Variants in EPB41 observed in about 807,000 individuals in gnomAD.
The protein encoded by EPB41 is protein 4.1.
A neutral mutation model predicts 108.0 loss-of-function variants in EPB41; 65 were observed. The ratio of observed to expected loss-of-function variants is 0.60; its 90% CI spans 0.49 to 0.74. EPB41 has a LOEUF of 0.74. Among genes scored for constraint, EPB41 ranks in the 30% least tolerant of loss-of-function variants. The pLI is 0.00. For missense variants in EPB41, 875 were observed against 1,037.0 expected (o/e 0.84, Z 2.15); for synonymous variants, 336 against 358.9 (o/e 0.94, Z 0.72).
chr1:28,993,445 CAG>C lies in EPB41; in HGVS notation c.586_587del (p.Glu196IlefsTer23). On this transcript the variant is annotated frameshift_variant, in exon 3 of 21. Coordinates refer to ENST00000343067, the MANE Select transcript of EPB41 (RefSeq NM_001376013.1). LOFTEE classifies it high-confidence loss of function. ...GAAAGCCCTCAATCAAAAGCAGAAA[CAG>C]AATTAAAAGCTTCCCAAAAACCAAT... is the stretch of plus-strand genomic sequence containing the variant. 1.9e-6 allele frequency: 3 copies of C among 1,613,920 alleles called. No homozygotes were observed. The highest frequency in any genetic ancestry group is 2.5e-6 in the Non-Finnish European group (3 of 1,179,962).
At chr1:29,023,687 CAAAAAAA>C (rs568486884) in intron 7 of EPB41, among the ~76,000 whole-genome samples, 28 of 149,824 alleles carry the variant, frequency 1.9e-4, no homozygotes, top group Non-Finnish European at 4.0e-4. Context: ...AACTCCGTCT[CAAAAAAA>C]AGAAAAAAGA....
At chr1:29,051,592 A>G (rs577837088) in intron 11 of EPB41, among the ~76,000 whole-genome samples, 7 of 152,168 alleles carry the variant, frequency 4.6e-5, no homozygotes, top group African/African-American at 1.7e-4. Flanking sequence ...TTCCATGCAA[A>G]TTGATTAAAA....
At chr1:29,050,555 C>T (rs1383423361) in intron 11 of EPB41, among the ~76,000 whole-genome samples, 2 of 152,244 alleles carry the variant, frequency 1.3e-5, no homozygotes, top group African/African-American at 4.8e-5. Context: ...ATCTGCCACT[C>T]TTGCAGTGAC....
intron 1 of EPB41, among the ~76,000 whole-genome samples, chr1:28,983,471 T>A: frequency 6.6e-6 from 1 of 152,136 alleles, no homozygotes; most frequent in East Asian, 1.9e-4. Context: ...AATTGTAGAA[T>A]CTCAGGCCCC....
chr1:29,030,733 G>A (rs1387182397), intron 8 of EPB41, among the ~76,000 whole-genome samples: 1 of 151,572 alleles, frequency 6.6e-6, no homozygotes, highest in African/African-American at 2.4e-5. Flanking sequence ...CCCTGATTGT[G>A]CCACTGCACT....
intron 7 of EPB41, among the ~76,000 whole-genome samples, chr1:29,023,410 G>T (rs532015766): frequency 6.6e-6 from 1 of 151,764 alleles, no homozygotes; most frequent in African/African-American, 2.4e-5. Context: ...GCTCTTGACC[G>T]GGCACAGTGG....
In EPB41 at chr1:28,935,982, G is replaced by T. The variant is rs142584937; in HGVS notation, c.-8+21214G>T. On this transcript the variant is annotated intron_variant, in intron 1 of 20. Coordinates refer to ENST00000343067, the MANE Select transcript of EPB41 (RefSeq NM_001376013.1). ...TATCTGATCAAATATCCTTAGCCTA[G>T]CTTCCTTTGCCTCACCTAGTATACT... is the stretch of plus-strand genomic sequence containing the variant. 9.7e-4 allele frequency among the ~76,000 whole-genome samples: 147 copies of T among 151,326 alleles called. 1 individual carries two copies. The highest frequency in any genetic ancestry group is 3.5e-3 in the African/African-American group (143 of 41,292).
intron 1 of EPB41, among the ~76,000 whole-genome samples, chr1:28,924,916 C>G (rs1245097339): frequency 6.6e-6 from 1 of 151,694 alleles, no homozygotes; most frequent in East Asian, 1.9e-4. Flanking sequence ...CCCACCTCAG[C>G]CTCCTGAGGA....
chr1:28,968,607 T>C (rs138188189), intron 1 of EPB41, among the ~76,000 whole-genome samples: 6 of 152,196 alleles, frequency 3.9e-5, no homozygotes, highest in Non-Finnish European at 7.4e-5. Context: ...TGAAATGTAT[T>C]AGGTTGATGC....
intron 1 of EPB41, among the ~76,000 whole-genome samples, chr1:28,935,438 A>AACACACACACACAC (rs375817878): frequency 1.9e-4 from 10 of 52,114 alleles, no homozygotes; most frequent in African/African-American, 2.8e-4. Context: ...CCTGTCTCAA[A>AACACACACACACAC]ACACACACAC....
chr1:29,015,505 A>G (rs555280703), intron 5 of EPB41, among the ~76,000 whole-genome samples, 187 bp from the exon 6 acceptor site: 5 of 152,024 alleles, frequency 3.3e-5, no homozygotes, highest in Admixed American at 1.3e-4. Context: ...TGTGGTGAGC[A>G]GAGATCACGC....
chr1:29,113,521 ACC>A (rs1023744106), intron 19 of EPB41, among the ~76,000 whole-genome samples: 1 of 152,160 alleles, frequency 6.6e-6, no homozygotes, highest in African/African-American at 2.4e-5. Context: ...GCCTGCACCC[ACC>A]CACTCAGTCT....
intron 7 of EPB41, among the ~76,000 whole-genome samples, chr1:29,019,883 T>G (rs1415602071): frequency 1.3e-5 from 2 of 152,086 alleles, no homozygotes; most frequent in Non-Finnish European, 2.9e-5. Flanking sequence ...ATAGCAGTAG[T>G]CTTATAAGAG....
intron 16 of EPB41, 174 bp downstream of exon 16, chr1:29,065,332 G>A: frequency 4.0e-6 from 5 of 1,243,014 alleles, no homozygotes; most frequent in Non-Finnish European, 4.2e-6. Flanking sequence ...TTTTAAGTCA[G>A]GTAGGCTACC....
intron 1 of EPB41, among the ~76,000 whole-genome samples, chr1:28,934,665 A>G (rs1169391164): frequency 3.0e-4 from 10 of 33,174 alleles, no homozygotes; most frequent in South Asian, 3.1e-3. Flanking sequence ...TTCTTTTGAC[A>G]TTGTGTGTGT....
At chr1:28,999,855 C>T (rs1403554324) in intron 4 of EPB41, among the ~76,000 whole-genome samples, 2 of 152,034 alleles carry the variant, frequency 1.3e-5, no homozygotes, top group Admixed American at 6.6e-5. Flanking sequence ...GCGATCTTGG[C>T]TCACTGCAGT....
intron 1 of EPB41, among the ~76,000 whole-genome samples, chr1:28,933,870 A>AC (rs2093866191): frequency 6.6e-6 from 1 of 152,054 alleles, no homozygotes; most frequent in Non-Finnish European, 1.5e-5. Flanking sequence ...GTCCCTATAT[A>AC]CCCCACACTG....
Position 29,024,584 on chromosome 1 carries a change from G to A in EPB41, c.1125-5816G>A, listed in dbSNP as rs187916180. Among the ~76,000 whole-genome samples, 289 of 152,024 alleles carry A rather than the reference G, an allele frequency of 1.9e-3. 6 individuals are homozygous for A. The highest frequency in any genetic ancestry group is 6.7e-3 in the African/African-American group (276 of 41,388). Reference sequence around the variant, plus strand: ...AGGGGCGGAGGTTGCAGTGAGCCGAGATCGCACCACTGCACCCCAGCTGGG... The same window carrying A: ...AGGGGCGGAGGTTGCAGTGAGCCGAAATCGCACCACTGCACCCCAGCTGGG... On this transcript the variant is annotated intron_variant, in intron 7 of 20. Coordinates refer to ENST00000343067, the MANE Select transcript of EPB41 (RefSeq NM_001376013.1).
chr1:29,037,064 G>A (rs919159575), intron 10 of EPB41, among the ~76,000 whole-genome samples: 2 of 151,840 alleles, frequency 1.3e-5, no homozygotes, highest in African/African-American at 2.4e-5. Context: ...AATAGTACCC[G>A]ATAATCAGAA....
Sources: allele counts gnomAD v4.1 joint callset (sites outside exome capture counted in the v4.1 genomes callset), GRCh38; gene constraint gnomAD v4.1.1; transcripts MANE v1.5; gene names NCBI Gene and HGNC (gene_info 2026-07-23, HGNC 2026-07-21).